Variants in B4GALT1 observed in about 807,000 individuals in gnomAD.
B4GALT1 encodes the protein N-acetyllactosamine synthase.
In B4GALT1, 16 loss-of-function variants were observed where a neutral mutation model predicts 34.9. The ratio of observed to expected loss-of-function variants is 0.46; its 90% confidence interval spans 0.31 to 0.70. The LOEUF (loss-of-function observed/expected upper bound fraction) is 0.70. Ranked by LOEUF, B4GALT1 falls within the 30% of genes least tolerant of loss-of-function variation. The pLI is 0.05. For missense variants in B4GALT1, 445 were observed against 530.5 expected (o/e 0.84, Z 1.58); for synonymous variants, 221 against 218.1 (o/e 1.01, Z -0.12).
intron 1 of B4GALT1, among the ~76,000 whole-genome samples, chr9:33,154,456 T>C (rs977418502): frequency 4.6e-5 from 7 of 152,214 alleles, no homozygotes; most frequent in South Asian, 4.1e-4. Flanking sequence ...AGCATATCTA[T>C]TTAACATTGT....
chr9:33,134,246 G>A (rs1488994034), intron 2 of B4GALT1, among the ~76,000 whole-genome samples: 1 of 152,176 alleles, frequency 6.6e-6, no homozygotes, highest in Non-Finnish European at 1.5e-5. Flanking sequence ...GATGGAAGCC[G>A]TAAACTGCCA....
chr9:33,121,295 C>A (rs1474731894), intron 2 of B4GALT1, among the ~76,000 whole-genome samples: 1 of 152,238 alleles, frequency 6.6e-6, no homozygotes, highest in Non-Finnish European at 1.5e-5. Flanking sequence ...GGGACACCTG[C>A]TTCAGGGTGC....
At chr9:33,181,460 A>ACACACACACACAC in the B4GALT1 span, among the ~76,000 whole-genome samples, 46 of 151,688 alleles carry the variant, frequency 3.0e-4, no homozygotes, top group South Asian at 4.2e-4. Context: ...ACACACACAC[A>ACACACACACACAC]AACTATTCTT....
Position 33,113,865 on chromosome 9 carries a change from C to T in B4GALT1, c.973G>A (p.Gly325Ser). The change falls in exon 5 of 6, where the codon GGC becomes AGC. Residue 325 changes from glycine to serine, a missense_variant. Coordinates refer to ENST00000379731, the MANE Select transcript of B4GALT1 (RefSeq NM_001497.4). ...DDIFNRLVFR[G>S]MSISRPNAVV... ...GCATTTGGGCGAGATATAGACATGC[C>T]TCTAAAAACTAATCTGCAAAGAGTA... 1 of 1,614,128 alleles carries T rather than the reference C, an allele frequency of 6.2e-7. No homozygotes were observed.
At chr9:33,168,133 G>T (rs1201255625), upstream of B4GALT1, among the ~76,000 whole-genome samples, 1 of 152,248 alleles carries the variant, frequency 6.6e-6, no homozygotes, top group East Asian at 1.9e-4. Flanking sequence ...ACTGTCCCAT[G>T]AAGTAGCAGT....
At chr9:33,149,426 G>C (rs550052530) in intron 1 of B4GALT1, among the ~76,000 whole-genome samples, 1 of 151,968 alleles carries the variant, frequency 6.6e-6, no homozygotes, top group African/African-American at 2.4e-5. Context: ...AACTACAAAT[G>C]CGCCACCACG....
chr9:33,127,847 C>T (rs1237944888), intron 2 of B4GALT1, among the ~76,000 whole-genome samples: 2 of 152,258 alleles, frequency 1.3e-5, no homozygotes, highest in African/African-American at 4.8e-5. Context: ...AGAAGTTAAA[C>T]TCTCAGACCC....
chr9:33,109,739 G>A (rs1564033103), downstream of B4GALT1, among the ~76,000 whole-genome samples: 1 of 152,214 alleles, frequency 6.6e-6, no homozygotes, highest in African/African-American at 2.4e-5. Flanking sequence ...TGTGGGATCC[G>A]TTGCTATCTC....
At chr9:33,155,545 A>G (rs994777206) in intron 1 of B4GALT1, among the ~76,000 whole-genome samples, 1 of 152,216 alleles carries the variant, frequency 6.6e-6, no homozygotes, top group African/African-American at 2.4e-5. Context: ...GAGCAGCCAT[A>G]AAATTCCAGT....
intron 3 of B4GALT1, 34 bp downstream of exon 3, chr9:33,120,385 T>C (rs1840002808): frequency 6.2e-7 from 1 of 1,609,748 alleles, no homozygotes. Context: ...GAGAGAGACA[T>C]GTTTACCACA....
At chr9:33,174,596 C>T in the B4GALT1 span, among the ~76,000 whole-genome samples, 23 of 151,604 alleles carry the variant, frequency 1.5e-4, no homozygotes, top group African/African-American at 4.1e-4. Context: ...TTGCGGTGAG[C>T]GGAGATCGTG....
At chr9:33,130,045 C>A (rs984475069) in intron 2 of B4GALT1, among the ~76,000 whole-genome samples, 4 of 152,112 alleles carry the variant, frequency 2.6e-5, no homozygotes, top group African/African-American at 9.7e-5. Context: ...TCCTGGGCAG[C>A]TGAGGGAGAG....
intron 4 of B4GALT1, among the ~76,000 whole-genome samples, chr9:33,115,341 G>T (rs913537696): frequency 6.6e-6 from 1 of 152,208 alleles, no homozygotes; most frequent in Non-Finnish European, 1.5e-5. Context: ...GGTGCTCATC[G>T]GTGGCTGGTG....
intron 1 of B4GALT1, among the ~76,000 whole-genome samples, chr9:33,142,993 A>G (rs1250569346): frequency 6.6e-6 from 1 of 152,092 alleles, no homozygotes; most frequent in Non-Finnish European, 1.5e-5. Flanking sequence ...AAAAATACAA[A>G]AATTAGCTGG....
chr9:33,135,394 G>A lies in B4GALT1; in HGVS notation c.443C>T (p.Pro148Leu), dbSNP rs1840253748. The A allele has an allele frequency of 6.2e-7, 1 of 1,614,200 alleles. No homozygotes were observed. The highest frequency in any genetic ancestry group is 8.5e-7 in the Non-Finnish European group (1 of 1,180,032). The change falls in exon 2 of 6, where the codon CCT becomes CTT. Residue 148 changes from proline to leucine, a missense_variant. Physicochemically the swap from Pro to Leu is moderately conservative, Grantham distance 98. Around this residue, in one of 3 missense-constraint regions of B4GALT1, gnomAD observed 349 missense variants for 395.5 expected, o/e 0.88. Coordinates refer to ENST00000379731, the MANE Select transcript of B4GALT1 (RefSeq NM_001497.4). ...CTTTGCCACGAGCTCCAGGTCCACAGGCATGTTAAACTCAATCAGCATGGG... is the reference window on the plus strand; with the variant it reads ...CTTTGCCACGAGCTCCAGGTCCACAAGCATGTTAAACTCAATCAGCATGGG... ...VGPMLIEFNM[P>L]VDLELVAKQN...
At chr9:33,178,829 T>C in the B4GALT1 span, 7 of 152,254 alleles carry the variant, frequency 4.6e-5, no homozygotes, top group Non-Finnish European at 8.8e-5. Context: ...GCCATAATAA[T>C]GCTGCTTAGC....
At chr9:33,108,954 G>C (rs1268920082), downstream of B4GALT1, among the ~76,000 whole-genome samples, 1 of 103,442 alleles carries the variant, frequency 9.7e-6, no homozygotes, top group Non-Finnish European at 2.3e-5. Context: ...AGAATCTTTT[G>C]TTCTAATATT....
chr9:33,114,738 C>T (rs1480685491), intron 4 of B4GALT1, among the ~76,000 whole-genome samples: 2 of 152,228 alleles, frequency 1.3e-5, no homozygotes, highest in Non-Finnish European at 2.9e-5. Flanking sequence ...AGTTAAGAGG[C>T]AGAACTGGCT....
rs150856431 is a variant in B4GALT1 at position 33,115,922 on chromosome 9, C to T, written c.959+69G>A. On this transcript the variant is annotated intron_variant, in intron 4 of 5. Transcript: ENST00000379731. ...TGAGGGTCAGTCCTTGGGGAACAACCAAGCATTGGTTAAAAAACTGGAAGT... is the reference window on the plus strand; with the variant it reads ...TGAGGGTCAGTCCTTGGGGAACAACTAAGCATTGGTTAAAAAACTGGAAGT... The T allele has an allele frequency of 2.6e-5, 41 of 1,571,176 alleles. No individual in the cohort carries two copies. The African/African-American group carries it at 4.7e-4, about 18-fold the overall frequency.
Sources: gnomAD v4.1 joint callset for allele counts (sites outside exome capture counted in the v4.1 genomes callset) on GRCh38, gnomAD v4.1.1 for gene constraint, gnomAD v4.1.1 regional missense constraint, MANE v1.5 for transcripts, NCBI Gene and HGNC (gene_info 2026-07-23, HGNC 2026-07-21) for gene names.